Variants in REDIC1 observed in about 807,000 individuals in gnomAD.
REDIC1 encodes regulator of DNA class I crossover intermediates 1.
chr12:39,658,056 TTA>T, the REDIC1 span, among the ~76,000 whole-genome samples: 1 of 150,304 alleles, frequency 6.7e-6, no homozygotes. Flanking sequence ...TTTTGAAATA[TTA>T]TGTTTTCATT....
the REDIC1 span, among the ~76,000 whole-genome samples, chr12:39,713,792 G>GAT: frequency 1.9e-3 from 278 of 146,936 alleles, 3 homozygotes; most frequent in Admixed American, 4.8e-3. Context: ...AATATACATA[G>GAT]ATGTATATAT....
At chr12:39,751,616 G>A in the REDIC1 span, among the ~76,000 whole-genome samples, 13 of 152,012 alleles carry the variant, frequency 8.6e-5, no homozygotes, top group Non-Finnish European at 1.5e-4. Flanking sequence ...TGTTTATTGC[G>A]GCACTATTCA....
At chr12:39,865,147 T>C in the REDIC1 span, among the ~76,000 whole-genome samples, 1 of 152,166 alleles carries the variant, frequency 6.6e-6, no homozygotes. Context: ...AGTAAATTGG[T>C]AATGATTTTT....
At chr12:39,701,271 G>A in the REDIC1 span, among the ~76,000 whole-genome samples, 1 of 152,162 alleles carries the variant, frequency 6.6e-6, no homozygotes, top group South Asian at 2.1e-4. Context: ...AACAAAAAAA[G>A]GCAGGGGTTG....
the REDIC1 span, among the ~76,000 whole-genome samples, chr12:39,752,634 C>G: frequency 1.3e-5 from 2 of 152,196 alleles, no homozygotes; most frequent in African/African-American, 4.8e-5. Context: ...TCAAAGCAGG[C>G]TCTGAGAAGA....
chr12:39,806,841 G>T, the REDIC1 span, among the ~76,000 whole-genome samples: 1 of 152,072 alleles, frequency 6.6e-6, no homozygotes, highest in Non-Finnish European at 1.5e-5. Context: ...CTTTAAGAGG[G>T]TTAATTGTTA....
the REDIC1 span, among the ~76,000 whole-genome samples, chr12:39,691,868 A>C: frequency 6.6e-6 from 1 of 152,042 alleles, no homozygotes; most frequent in South Asian, 2.1e-4. Flanking sequence ...AACGAATTTA[A>C]ATTTCATTTT....
At chr12:39,631,894 C>T in the REDIC1 span, among the ~76,000 whole-genome samples, 2 of 152,036 alleles carry the variant, frequency 1.3e-5, no homozygotes, top group African/African-American at 4.8e-5. Context: ...CTATGAGTAA[C>T]ACATTGTTAG....
chr12:39,739,494 G>A, the REDIC1 span, among the ~76,000 whole-genome samples: 8 of 152,222 alleles, frequency 5.3e-5, no homozygotes, highest in Admixed American at 3.9e-4. Context: ...TCTAATAGGA[G>A]CTCCCAAGTA....
At chr12:39,691,507 TACTTA>T in the REDIC1 span, among the ~76,000 whole-genome samples, 2 of 152,162 alleles carry the variant, frequency 1.3e-5, no homozygotes, top group East Asian at 1.9e-4. Context: ...TAAAAAGAGA[TACTTA>T]ACTTCCCTTA....
chr12:39,732,368 A>G, the REDIC1 span, among the ~76,000 whole-genome samples: 6 of 152,258 alleles, frequency 3.9e-5, no homozygotes, highest in South Asian at 2.1e-4. Context: ...TCAAACCTAT[A>G]TTTGATCCCT....
the REDIC1 span, among the ~76,000 whole-genome samples, chr12:39,816,459 T>G: frequency 6.8e-6 from 1 of 147,364 alleles, no homozygotes; most frequent in South Asian, 2.3e-4. Context: ...AGGGATAGCA[T>G]TAGGAGATAT....
chr12:39,881,918 G>A, the REDIC1 span, among the ~76,000 whole-genome samples: 3 of 151,826 alleles, frequency 2.0e-5, no homozygotes, highest in Non-Finnish European at 2.9e-5. Context: ...CATGATTCTC[G>A]GTGACAGTGG....
the REDIC1 span, among the ~76,000 whole-genome samples, chr12:39,858,671 A>T: frequency 6.6e-6 from 1 of 152,170 alleles, no homozygotes; most frequent in Non-Finnish European, 1.5e-5. Flanking sequence ...CAATGGCACG[A>T]TCTCGGCTCA....
chr12:39,721,492 TA>T, the REDIC1 span: 1 of 393,232 alleles, frequency 2.5e-6, no homozygotes, highest in Non-Finnish European at 4.5e-6. Context: ...TTTTAGAAAA[TA>T]ATATATTTGT....
chr12:39,719,415 C>T, the REDIC1 span, among the ~76,000 whole-genome samples: 1 of 151,986 alleles, frequency 6.6e-6, no homozygotes, highest in Admixed American at 6.6e-5. Flanking sequence ...TGCTTGAGCC[C>T]AGGAGTTCGT....
chr12:39,866,379 C>T, the REDIC1 span, among the ~76,000 whole-genome samples: 1 of 152,172 alleles, frequency 6.6e-6, no homozygotes. Flanking sequence ...GGATAAAGGA[C>T]ACAACCTTTC....
At chr12:39,764,613 C>G in the REDIC1 span, 1 of 1,586,002 alleles carries the variant, frequency 6.3e-7, no homozygotes, top group Non-Finnish European at 8.5e-7. Context: ...GGTCCCATTC[C>G]TGAGAAATAA....
the REDIC1 span, among the ~76,000 whole-genome samples, chr12:39,801,644 C>T: frequency 6.6e-6 from 1 of 152,168 alleles, no homozygotes; most frequent in South Asian, 2.1e-4. Context: ...TAGAAGTCAG[C>T]AGACTTATTT....
Sources: gnomAD v4.1 joint callset for allele counts (sites outside exome capture counted in the v4.1 genomes callset) on GRCh38, gnomAD v4.1.1 for gene constraint, MANE v1.5 for transcripts, NCBI Gene and HGNC (gene_info 2026-07-23, HGNC 2026-07-21) for gene names.